Variants in ADGRL2 observed in about 807,000 individuals in gnomAD.
ADGRL2 encodes the protein adhesion G protein-coupled receptor L2.
In ADGRL2, 44 loss-of-function variants were observed where a neutral mutation model predicts 157.4. That is an observed-to-expected ratio of 0.28 (90% CI 0.22 to 0.36). The LOEUF is 0.36. Ranked by LOEUF, ADGRL2 falls within the 10% of genes least tolerant of loss-of-function variation. The probability of loss-of-function intolerance (pLI) is 1.00; values close to 1 mark genes in which losing one functional copy is unlikely to be tolerated. For synonymous variants in ADGRL2, 585 were observed against 624.7 expected (o/e 0.94, Z 0.95); for missense variants, 1,510 against 1,768.9 (o/e 0.85, Z 2.63).
chr1:81,320,266 C>A (rs1660411922), intron 1 of ADGRL2, among the ~76,000 whole-genome samples: 1 of 152,210 alleles, frequency 6.6e-6, no homozygotes, highest in African/African-American at 2.4e-5. Context: ...TCTAAAGTTA[C>A]TTTCTCCACT....
At chr1:81,553,656 A>G (rs185094516) in intron 2 of ADGRL2, among the ~76,000 whole-genome samples, 1 of 152,338 alleles carries the variant, frequency 6.6e-6, no homozygotes, top group Non-Finnish European at 1.5e-5. Context: ...CCAAAAAAAG[A>G]CCATAATGAC....
chr1:81,953,294 T>A (rs1295296426), intron 10 of ADGRL2, among the ~76,000 whole-genome samples: 1 of 152,172 alleles, frequency 6.6e-6, no homozygotes, highest in Non-Finnish European at 1.5e-5. Flanking sequence ...AATTATGTAG[T>A]CTCTTTGTTT....
At chr1:81,426,011 C>T (rs892961755) in intron 1 of ADGRL2, among the ~76,000 whole-genome samples, 4 of 152,124 alleles carry the variant, frequency 2.6e-5, no homozygotes, top group African/African-American at 7.2e-5. Flanking sequence ...GGACTACAGG[C>T]ATGCACCACC....
intron 1 of ADGRL2, among the ~76,000 whole-genome samples, chr1:81,312,556 T>C (rs1438713772): frequency 2.6e-5 from 4 of 152,230 alleles, no homozygotes; most frequent in African/African-American, 7.2e-5. Flanking sequence ...ACTAAACATA[T>C]GGATTTTCTA....
chr1:81,745,082 T>G (rs2085200495), intron 1 of ADGRL2, among the ~76,000 whole-genome samples: 1 of 152,162 alleles, frequency 6.6e-6, no homozygotes, highest in Non-Finnish European at 1.5e-5. Flanking sequence ...GGGGGAATCA[T>G]CTCAGAAGAT....
intron 3 of ADGRL2, among the ~76,000 whole-genome samples, chr1:81,629,179 A>G (rs886968844): frequency 1.1e-4 from 17 of 152,210 alleles, no homozygotes; most frequent in African/African-American, 3.9e-4. Flanking sequence ...CTTGAAGAAG[A>G]TGAAAAGGGT....
chr1:81,621,946 C>T (rs535868372), intron 3 of ADGRL2, among the ~76,000 whole-genome samples: 1 of 152,298 alleles, frequency 6.6e-6, no homozygotes, highest in South Asian at 2.1e-4. Flanking sequence ...CAATTTTTCC[C>T]TTGGTGACTT....
At chr1:81,660,843 T>A (rs1012325100) in intron 3 of ADGRL2, among the ~76,000 whole-genome samples, 1 of 152,156 alleles carries the variant, frequency 6.6e-6, no homozygotes, top group African/African-American at 2.4e-5. Context: ...CACTGTGCAA[T>A]TATATGACAG....
intron 3 of ADGRL2, among the ~76,000 whole-genome samples, chr1:81,612,962 C>G (rs2081572662): frequency 6.6e-6 from 1 of 152,012 alleles, no homozygotes. Flanking sequence ...ATTTGTGTAC[C>G]ATGAAGGGTA....
intron 2 of ADGRL2, among the ~76,000 whole-genome samples, chr1:81,844,084 G>T (rs1033037675): frequency 6.6e-6 from 1 of 152,030 alleles, no homozygotes; most frequent in East Asian, 1.9e-4. Context: ...TCCATTTTCT[G>T]ACAGAAAAGA....
chr1:81,807,403 A>G (rs1389115924), intron 1 of ADGRL2, among the ~76,000 whole-genome samples: 1 of 152,006 alleles, frequency 6.6e-6, no homozygotes, highest in Non-Finnish European at 1.5e-5. Flanking sequence ...TTGAAGGTTG[A>G]AAGGTTGAAA....
intron 1 of ADGRL2, among the ~76,000 whole-genome samples, chr1:81,738,646 T>A (rs1057218223): frequency 2.0e-5 from 3 of 152,200 alleles, no homozygotes; most frequent in Non-Finnish European, 4.4e-5. Flanking sequence ...GTATCCTTTT[T>A]TCTGTTATGC....
intron 2 of ADGRL2, among the ~76,000 whole-genome samples, chr1:81,903,951 A>G (rs1190489958): frequency 6.6e-6 from 1 of 151,654 alleles, no homozygotes; most frequent in East Asian, 1.9e-4. Context: ...TAAATTGACA[A>G]TTTAAATATT....
intron 2 of ADGRL2, among the ~76,000 whole-genome samples, chr1:81,479,329 A>G (rs2078337304): frequency 1.3e-5 from 2 of 151,328 alleles, no homozygotes; most frequent in African/African-American, 4.9e-5. Context: ...AAAAAAAAAA[A>G]AAAATTAGCT....
intron 1 of ADGRL2, among the ~76,000 whole-genome samples, chr1:81,383,780 C>T (rs925927375): frequency 6.1e-5 from 8 of 130,778 alleles, no homozygotes; most frequent in South Asian, 4.9e-4. Context: ...CTGGCTAACA[C>T]GGTGAACTCC....
chr1:81,552,200 A>G (rs999319013), intron 2 of ADGRL2, among the ~76,000 whole-genome samples: 2 of 152,080 alleles, frequency 1.3e-5, no homozygotes, highest in African/African-American at 2.4e-5. Flanking sequence ...AGAAGAGTCT[A>G]TTGAGAGTCT....
intron 3 of ADGRL2, among the ~76,000 whole-genome samples, chr1:81,629,404 T>C (rs970607253): frequency 6.6e-6 from 1 of 152,222 alleles, no homozygotes; most frequent in Admixed American, 6.5e-5. Flanking sequence ...AACTAATGGT[T>C]ACAACTCTGA....
intron 3 of ADGRL2, among the ~76,000 whole-genome samples, chr1:81,589,584 A>G (rs1278586510): frequency 6.6e-6 from 1 of 152,186 alleles, no homozygotes; most frequent in African/African-American, 2.4e-5. Context: ...TCAGAACTCC[A>G]TGATCCATCT....
At chr1:81,535,468 C>T (rs1174041140) in intron 2 of ADGRL2, among the ~76,000 whole-genome samples, 1 of 151,996 alleles carries the variant, frequency 6.6e-6, no homozygotes, top group Non-Finnish European at 1.5e-5. Context: ...TTTCAGACTT[C>T]TCTCTGAATG....
Sources: gnomAD v4.1 joint callset for allele counts (sites outside exome capture counted in the v4.1 genomes callset) on GRCh38, gnomAD v4.1.1 for gene constraint, MANE v1.5 for transcripts, NCBI Gene and HGNC (gene_info 2026-07-23, HGNC 2026-07-21) for gene names.